Variants in ATG4B observed in about 807,000 individuals in gnomAD.
ATG4B encodes the protein cysteine protease ATG4B.
Under a neutral mutation model 56.6 loss-of-function variants are expected in ATG4B, and 29 were observed. The ratio of observed to expected loss-of-function variants is 0.51; its 90% confidence interval spans 0.38 to 0.70. The LOEUF is 0.70. ATG4B is among the 30% of genes least tolerant of loss of function. The pLI, the probability that ATG4B is intolerant of heterozygous loss-of-function variation, is 0.00. For missense variants in ATG4B, 461 were observed against 515.5 expected, an observed-to-expected ratio of 0.89 and a Z score of 1.02; for synonymous variants, 224 against 206.1, an observed-to-expected ratio of 1.09 and a Z score of -0.74.
rs777630778 is a variant in ATG4B at position 241,654,601 on chromosome 2, C to T, written c.339C>T (p.Asn113=). 8.1e-6 allele frequency: 13 copies of T among 1,603,436 alleles called. No homozygotes were observed. Among genetic ancestry groups the T allele is most frequent in the East Asian group, 4.5e-5 (2 of 44,592 alleles). Reference sequence around the variant, plus strand: ...CAGACAGCTACTTCAGCGTCCTCAACGCATTCATCGACAGGAAGGACAGTT... The same window carrying T: ...CAGACAGCTACTTCAGCGTCCTCAATGCATTCATCGACAGGAAGGACAGTT... ...RQPDSYFSVL[N]AFIDRKDSYY... Residue 113 remains asparagine (N), a synonymous_variant, in exon 5 of 13, where the codon AAC becomes AAT. Transcript: ENST00000404914.
chr2:241,643,326 T>C (rs991511513), intron 1 of ATG4B, among the ~76,000 whole-genome samples: 1 of 151,280 alleles, frequency 6.6e-6, no homozygotes, highest in African/African-American at 2.4e-5. Context: ...TGCCTCACAT[T>C]CCTCAGTAGC....
At chr2:241,671,667 A>C in intron 12 of ATG4B, 1 of 1,417,998 alleles carries the variant, frequency 7.1e-7, no homozygotes, top group Non-Finnish European at 9.3e-7. Context: ...GCTACCATGG[A>C]GTCCTCAGGG....
intron 1 of ATG4B, among the ~76,000 whole-genome samples, chr2:241,647,920 C>T (rs2068112273): frequency 6.6e-6 from 1 of 151,944 alleles, no homozygotes; most frequent in African/African-American, 2.4e-5. Context: ...TCGAGACCAG[C>T]CTGGCTAACA....
intron 1 of ATG4B, among the ~76,000 whole-genome samples, chr2:241,638,840 C>G (rs528983973): frequency 1.1e-4 from 16 of 152,232 alleles, no homozygotes; most frequent in Non-Finnish European, 1.6e-4. Context: ...AACCGTCATT[C>G]ACGGTTGAAC....
At chr2:241,654,755 G>T in intron 5 of ATG4B, 108 bp downstream of exon 5, 1 of 867,368 alleles carries the variant, frequency 1.2e-6, no homozygotes. Flanking sequence ...GGAGCAGGAG[G>T]CTGTAAACCT....
At chr2:241,666,495 CT>C in intron 7 of ATG4B, 149 bp from the exon 8 acceptor site, 1 of 832,186 alleles carries the variant, frequency 1.2e-6, no homozygotes, top group Non-Finnish European at 1.9e-6. Context: ...TTTTCTTACG[CT>C]TTTCTATATT....
chr2:241,671,194 C>T, intron 11 of ATG4B, 118 bp from the exon 12 acceptor site: 1 of 876,082 alleles, frequency 1.1e-6, no homozygotes, highest in Non-Finnish European at 1.8e-6. Context: ...CCTCTGTTTT[C>T]TCATCAGTGA....
chr2:241,660,851 C>T (rs1042981717), intron 7 of ATG4B, among the ~76,000 whole-genome samples: 3 of 152,164 alleles, frequency 2.0e-5, no homozygotes, highest in Admixed American at 6.5e-5. Context: ...CCCCTCGTTC[C>T]GCACGCGTGC....
Position 241,654,604 on chromosome 2 carries a change from A to C in ATG4B, c.342A>C (p.Ala114=). Residue 114 remains alanine (A), a synonymous_variant, in exon 5 of 13, where the codon GCA becomes GCC. Transcript: ENST00000404914. ...ACAGCTACTTCAGCGTCCTCAACGC[A>C]TTCATCGACAGGAAGGACAGTTACT... ...QPDSYFSVLN[A]FIDRKDSYYS... 1 of 1,603,874 alleles carries C rather than the reference A, an allele frequency of 6.2e-7. No homozygotes were observed. Among genetic ancestry groups the C allele is most frequent in the Non-Finnish European group, 8.5e-7 (1 of 1,175,222 alleles).
At chr2:241,666,918 C>A in intron 8 of ATG4B, 80 bp downstream of exon 8, 2 of 1,465,034 alleles carry the variant, frequency 1.4e-6, no homozygotes, top group South Asian at 2.5e-5. Flanking sequence ...GCATCGTCGT[C>A]ACGTGGCCAT....
intron 3 of ATG4B, among the ~76,000 whole-genome samples, chr2:241,652,281 G>T (rs1022071198): frequency 6.6e-6 from 1 of 152,232 alleles, no homozygotes; most frequent in Non-Finnish European, 1.5e-5. Flanking sequence ...TCGCAGCTGC[G>T]CTGAACCTGC....
At chr2:241,657,165 TG>T (rs2068432830) in intron 6 of ATG4B, among the ~76,000 whole-genome samples, 1 of 147,928 alleles carries the variant, frequency 6.8e-6, no homozygotes, top group Non-Finnish European at 1.5e-5. Flanking sequence ...TTAGTAGAGA[TG>T]GGGTTTCACC....
intron 1 of ATG4B, among the ~76,000 whole-genome samples, chr2:241,643,187 T>A (rs1559247492): frequency 6.6e-6 from 1 of 151,094 alleles, no homozygotes; most frequent in Non-Finnish European, 1.5e-5. Flanking sequence ...CCAACCTACT[T>A]CTTCATCTTG....
intron 1 of ATG4B, among the ~76,000 whole-genome samples, chr2:241,645,877 C>T (rs963666982): frequency 1.3e-5 from 2 of 152,204 alleles, no homozygotes; most frequent in South Asian, 2.1e-4. Flanking sequence ...GTGCGTTTCT[C>T]TGGACGGAGG....
In ATG4B at chr2:241,651,123, G is replaced by C. The variant is rs759433185; in HGVS notation, c.112+12G>C. The C allele has an allele frequency of 6.2e-7, 1 of 1,608,514 alleles. No homozygotes were observed. Among genetic ancestry groups the C allele is most frequent in the East Asian group, 2.2e-5 (1 of 44,752 alleles). ...CAGCATTTTCACAGGTATCGGCCAT[G>C]CTGGAGCCCACCCTGGTCTGACCGC... On this transcript the variant is annotated intron_variant, in intron 2 of 12. Transcript: ENST00000404914. This position sits in a 1 kb window ranked among gnomAD's most constrained non-coding sequence, Gnocchi z 4.1.
chr2:241,668,234 T>A lies in ATG4B; in HGVS notation c.811+13T>A, dbSNP rs1304681730. 3.1e-6 allele frequency: 5 copies of A among 1,589,120 alleles called. 1 individual carries two copies. The South Asian group carries it at 5.8e-5, about 18-fold the overall frequency. On this transcript the variant is annotated intron_variant, in intron 9 of 12. Transcript: ENST00000404914. This position sits in a 1 kb window ranked among gnomAD's most constrained non-coding sequence, Gnocchi z 4.2. The stretch of plus-strand genomic sequence containing the variant: ...ATCGGCTACGTTGGTGAGTCCAGGG[T>A]TCCCACCGTGTCCCTGTGGGCCTGG...
Position 241,668,625 on chromosome 2 carries a change from C to G in ATG4B, c.897C>G (p.Phe299Leu). 1 of 1,585,350 alleles carries G rather than the reference C, an allele frequency of 6.3e-7. No homozygotes were observed. Among genetic ancestry groups the G allele is most frequent in the Non-Finnish European group, 8.6e-7 (1 of 1,165,940 alleles). The stretch of plus-strand genomic sequence containing the variant: ...GCTGCTTCATCCCGGACGAGAGCTT[C>G]CACTGCCAGCACCCGCCGTGCCGCA... ...TDGCFIPDES[F>L]HCQHPPCRMS... Residue 299 changes from phenylalanine to leucine, a missense_variant, in exon 10 of 13, where the codon TTC (phenylalanine) becomes TTG (leucine). Coordinates refer to ENST00000404914, the MANE Select transcript of ATG4B (RefSeq NM_013325.5). This position sits in a 1 kb window ranked among gnomAD's most constrained non-coding sequence, Gnocchi z 4.2.
intron 1 of ATG4B, among the ~76,000 whole-genome samples, chr2:241,641,549 CAAAA>C (rs774218463): frequency 8.5e-5 from 6 of 70,710 alleles, no homozygotes. Context: ...GACTCTGTCT[CAAAA>C]AAAAAAAAAA....
intron 6 of ATG4B, among the ~76,000 whole-genome samples, chr2:241,656,457 C>T (rs1047164101): frequency 1.2e-4 from 19 of 152,216 alleles, no homozygotes; most frequent in Non-Finnish European, 2.5e-4. Flanking sequence ...CACCCTTCCA[C>T]TCACACTTCT....
Sources: gnomAD v4.1 joint callset for allele counts (sites outside exome capture counted in the v4.1 genomes callset) on GRCh38, gnomAD v4.1.1 for gene constraint, Gnocchi (gnomAD v3.1) non-coding constraint, MANE v1.5 for transcripts, NCBI Gene and HGNC (gene_info 2026-07-23, HGNC 2026-07-21) for gene names.